IFT140: variants seen among roughly 807,000 people sequenced by gnomAD.
IFT140 encodes intraflagellar transport 140, also known as intraflagellar transport protein 140 homolog.
Under a neutral mutation model 164.6 loss-of-function variants are expected in IFT140, and 133 were observed. The observed-to-expected ratio is 0.81, with a 90% CI of 0.70 to 0.93. The LOEUF is 0.93. Among genes scored for constraint, IFT140 ranks in the 40% least tolerant of loss-of-function variants. The pLI is 0.00. For synonymous variants in IFT140, 860 were observed against 817.3 expected (o/e 1.05, Z -0.89); for missense variants, 2,045 against 1,972.3 (o/e 1.04, Z -0.70).
chr16:1,592,798 G>A (rs1374079335), intron 4 of IFT140, among the ~76,000 whole-genome samples: 3 of 148,904 alleles, frequency 2.0e-5, no homozygotes, highest in African/African-American at 5.0e-5. Context: ...CCAGCCACAC[G>A]GTGCCCAGCA....
intron 13 of IFT140, among the ~76,000 whole-genome samples, chr16:1,580,025 C>A (rs1423231498): frequency 6.6e-6 from 1 of 151,440 alleles, no homozygotes; most frequent in Non-Finnish European, 1.5e-5. Context: ...AAGACACATG[C>A]GGGAGACAGC....
Position 1,580,720 on chromosome 16 carries a change from ACTCTG to A in IFT140, c.1524+34_1524+38del, listed in dbSNP as rs751664326. ...TCTCAATTGAGAGGCAGGATTTCAA[ACTCTG>A]CTCTGGTTTTCTTGCAGTGGAGCAG... On this transcript the variant is annotated intron_variant, in intron 13 of 30. Transcript: ENST00000426508. 6 of 1,380,146 alleles carry A rather than the reference ACTCTG, an allele frequency of 4.3e-6. No homozygotes were observed. In the East Asian group the frequency reaches 1.4e-4, roughly 31 times the overall value. 85.5% of individuals were successfully genotyped at this position (1,380,146 alleles called of 1,614,324 possible).
chr16:1,521,511 A>C (rs1336140379), intron 26 of IFT140, among the ~76,000 whole-genome samples: 1 of 151,790 alleles, frequency 6.6e-6, no homozygotes, highest in South Asian at 2.1e-4. Context: ...GCCTCAGCCT[A>C]CCAAGTAGCT....
intron 14 of IFT140, 54 bp downstream of exon 14, chr16:1,571,353 G>C: frequency 3.2e-6 from 5 of 1,575,220 alleles, no homozygotes; most frequent in Non-Finnish European, 4.3e-6. Context: ...CCATCACACT[G>C]TCTCCTGACT....
intron 19 of IFT140, among the ~76,000 whole-genome samples, chr16:1,530,074 C>T (rs114897488): frequency 0.012 from 1,853 of 151,180 alleles, 48 homozygotes; most frequent in African/African-American, 0.043. Context: ...GTAAACACCA[C>T]GTTGTAAGAC....
chr16:1,513,087 T>A (rs891415182), intron 30 of IFT140: 1 of 152,264 alleles, frequency 6.6e-6, no homozygotes, highest in South Asian at 2.1e-4. Flanking sequence ...AACTATCTAA[T>A]AGGGCAACAC....
At position 1,564,421 on chromosome 16, in the gene IFT140, C is replaced by A. The variant is rs531519924; in HGVS notation, c.1902-259G>T. 5.9e-5 allele frequency among the ~76,000 whole-genome samples: 9 copies of A among 152,178 alleles called. No homozygotes were observed. The highest frequency in any genetic ancestry group is 1.2e-4 in the African/African-American group (5 of 41,450). ...AAAGATGACGCTTTGATTCTGGAGG[C>A]CTTATGGGGGCCCAGAAGAATCCCC... is the stretch of plus-strand genomic sequence containing the variant. On this transcript the variant is annotated intron_variant, in intron 16 of 30. Coordinates refer to ENST00000426508, the MANE Select transcript of IFT140 (RefSeq NM_014714.4). The surrounding 1 kb of genome is among the most constrained non-coding windows in gnomAD (Gnocchi z 5.5).
chr16:1,557,775 TG>T, intron 19 of IFT140, 159 bp downstream of exon 19: 1 of 729,282 alleles, frequency 1.4e-6, no homozygotes, highest in Non-Finnish European at 2.3e-6. Context: ...ATCTGCAAGC[TG>T]GGCAGCATTT....
At chr16:1,549,323 T>C (rs919095428) in intron 19 of IFT140, among the ~76,000 whole-genome samples, 1 of 152,276 alleles carries the variant, frequency 6.6e-6, no homozygotes, top group African/African-American at 2.4e-5. Flanking sequence ...TCTGCTTCTG[T>C]GGCAACAAAA....
chr16:1,514,313 TGAGCCGA>T (rs1158489789), intron 30 of IFT140: 1 of 151,868 alleles, frequency 6.6e-6, no homozygotes, highest in Non-Finnish European at 1.5e-5. Flanking sequence ...GAGCTTGCAG[TGAGCCGA>T]GATCACGCCA....
chr16:1,578,768 G>A (rs770087600), intron 13 of IFT140, among the ~76,000 whole-genome samples: 2 of 152,158 alleles, frequency 1.3e-5, no homozygotes, highest in Non-Finnish European at 2.9e-5. Flanking sequence ...CTGGAGGACA[G>A]TGGTGCAATC....
chr16:1,586,631 ACAC>A (rs1387344919), intron 9 of IFT140, among the ~76,000 whole-genome samples: 51 of 150,684 alleles, frequency 3.4e-4, no homozygotes, highest in Middle Eastern at 3.4e-3. Flanking sequence ...ATGCATGCAC[ACAC>A]ACACACACAC....
At chr16:1,528,423 ACACACAGATG>A (rs1038755222) in intron 19 of IFT140, among the ~76,000 whole-genome samples, 5 of 116,074 alleles carry the variant, frequency 4.3e-5, no homozygotes, top group Non-Finnish European at 6.6e-5. Context: ...ACGCACATGC[ACACACAGATG>A]CACACACACA....
intron 14 of IFT140, among the ~76,000 whole-genome samples, chr16:1,569,630 G>A (rs552622796): frequency 3.4e-5 from 5 of 145,308 alleles, no homozygotes; most frequent in South Asian, 2.2e-4. Flanking sequence ...TCACTCTGTC[G>A]CCCAGGCTGT....
intron 4 of IFT140, among the ~76,000 whole-genome samples, chr16:1,597,157 G>A (rs191111002): frequency 4.3e-4 from 65 of 152,296 alleles, no homozygotes; most frequent in Admixed American, 3.1e-3. Context: ...CAGGGTGCGC[G>A]TCAGGTGAGG....
intron 13 of IFT140, among the ~76,000 whole-genome samples, chr16:1,573,867 A>C (rs565389585): frequency 2.0e-5 from 3 of 152,212 alleles, no homozygotes; most frequent in African/African-American, 7.2e-5. Context: ...AAGCCAAGAA[A>C]ATAAGTCAAA....
intron 19 of IFT140, chr16:1,557,677 T>C (rs1317361357): frequency 2.0e-6 from 1 of 500,392 alleles, no homozygotes; most frequent in African/African-American, 1.9e-5. Flanking sequence ...TTATAGATGT[T>C]TAGGAACGGC....
intron 13 of IFT140, among the ~76,000 whole-genome samples, chr16:1,574,497 T>A (rs764770167): frequency 1.3e-5 from 2 of 152,138 alleles, no homozygotes; most frequent in Non-Finnish European, 2.9e-5. Context: ...CCCAGGCTGG[T>A]CTGGAACTCC....
intron 2 of IFT140, among the ~76,000 whole-genome samples, chr16:1,608,962 T>A (rs1313477929): frequency 6.6e-6 from 1 of 152,142 alleles, no homozygotes. Flanking sequence ...GAGACCATCC[T>A]GGACAACATG....
Sources: allele counts gnomAD v4.1 joint callset (sites outside exome capture counted in the v4.1 genomes callset), GRCh38; gene constraint gnomAD v4.1.1; non-coding constraint Gnocchi (gnomAD v3.1); transcripts MANE v1.5; gene names NCBI Gene and HGNC (gene_info 2026-07-23, HGNC 2026-07-21).